SCN2B: variants seen among roughly 807,000 people sequenced by gnomAD.
The protein encoded by SCN2B is sodium voltage-gated channel beta subunit 2, also known as sodium channel regulatory subunit beta-2.
Under a neutral mutation model 18.2 loss-of-function variants are expected in SCN2B, and 14 were observed. The observed-to-expected ratio is 0.77, with a 90% CI of 0.51 to 1.21. SCN2B has a LOEUF of 1.21. Among genes scored for constraint, SCN2B ranks in the 50% most tolerant of loss-of-function variants. SCN2B has a pLI of 0.00. For synonymous variants in SCN2B, 115 were observed against 115.3 expected (o/e 1.00, Z 0.02); for missense variants, 262 against 286.9 (o/e 0.91, Z 0.63).
chr11:118,171,257 A>T (rs12294669), intron 1 of SCN2B, among the ~76,000 whole-genome samples: 2 of 152,146 alleles, frequency 1.3e-5, no homozygotes, highest in Non-Finnish European at 2.9e-5. Flanking sequence ...CATTAGGGGA[A>T]TAAGGACTGG....
At chr11:118,174,739 G>A (rs1391310161) in intron 1 of SCN2B, among the ~76,000 whole-genome samples, 2 of 152,098 alleles carry the variant, frequency 1.3e-5, no homozygotes, top group African/African-American at 2.4e-5. Context: ...CTAGCCCAGA[G>A]CTCTGGGTCC....
rs941571292 is a variant in SCN2B at position 118,168,547 on chromosome 11, A to G, written c.237+38T>C. Reference sequence around the variant, plus strand: ...AGGGGCTTCATGCCATGGGGCTCCTACCTCCTCCCCTGCCCCTGCCTTCAG... The same window carrying G: ...AGGGGCTTCATGCCATGGGGCTCCTGCCTCCTCCCCTGCCCCTGCCTTCAG... On this transcript the variant is annotated intron_variant, in intron 2 of 3. Transcript: ENST00000278947. The surrounding 1 kb of genome is among the most constrained non-coding windows in gnomAD (Gnocchi z 4.7). The G allele has an allele frequency of 6.2e-7, 1 of 1,613,176 alleles. No homozygotes were observed. Among genetic ancestry groups the G allele is most frequent in the Non-Finnish European group, 8.5e-7 (1 of 1,179,350 alleles).
intron 1 of SCN2B, 70 bp downstream of exon 1, chr11:118,176,292 T>C: frequency 1.5e-6 from 2 of 1,365,354 alleles, no homozygotes; most frequent in Non-Finnish European, 1.0e-6. Flanking sequence ...TCCTATCCCC[T>C]GCCCCCATCC....
intron 3 of SCN2B, 76 bp from the exon 4 acceptor site, chr11:118,167,162 G>T (rs1030029478): frequency 6.2e-6 from 9 of 1,460,534 alleles, no homozygotes; most frequent in Non-Finnish European, 7.5e-6. Context: ...CCCGTGGCAT[G>T]CGTGGAACCA....
At position 118,167,050 on chromosome 11, in the gene SCN2B, A is replaced by C. The variant is rs879209546; in HGVS notation, c.485T>G (p.Val162Gly). Residue 162 changes from valine to glycine, a missense_variant, in exon 4 of 4, where the codon GTG becomes GGG. Coordinates refer to ENST00000278947, the MANE Select transcript of SCN2B (RefSeq NM_004588.5). ...PERDSTVAVI[V>G]GASVGGFLAV... ...CAGGAAGCCCCCGACGGAGGCACCCACAATCACGGCCACCGTGGAGTCCCG... is the reference window on the plus strand; with the variant it reads ...CAGGAAGCCCCCGACGGAGGCACCCCCAATCACGGCCACCGTGGAGTCCCG... 1 of 1,613,464 alleles carries C rather than the reference A, an allele frequency of 6.2e-7. No homozygotes were observed. Among genetic ancestry groups the C allele is most frequent in the South Asian group, 1.1e-5 (1 of 91,080 alleles).
chr11:118,170,996 C>G (rs769317981), intron 1 of SCN2B, among the ~76,000 whole-genome samples: 3 of 152,060 alleles, frequency 2.0e-5, no homozygotes, highest in Non-Finnish European at 2.9e-5. Flanking sequence ...GTAGAAGCAG[C>G]CGCCCTGCAG....
In SCN2B at chr11:118,166,618, G is replaced by C; in HGVS notation, c.*269C>G. 1 of 526,726 alleles carries C rather than the reference G, an allele frequency of 1.9e-6. No individual in the cohort carries two copies. The highest frequency in any genetic ancestry group is 1.9e-5 in the African/African-American group (1 of 52,358). The allele number at this position is 526,726 out of a possible 1,614,324, so 32.6% of individuals were successfully genotyped here. On this transcript the variant is annotated 3_prime_UTR_variant, in exon 4 of 4. Transcript: ENST00000278947. ...CTGGGGACCCTCACATGTGCCTCCT[G>C]CCTCCCCCCAGGGACTGGCAGGTGG...
chr11:118,166,488 G>A lies in SCN2B; in HGVS notation c.*399C>T, dbSNP rs1193795677. The A allele has an allele frequency of 3.2e-6, 1 of 310,660 alleles. No individual in the cohort carries two copies. Among genetic ancestry groups the A allele is most frequent in the African/African-American group, 2.2e-5 (1 of 46,228 alleles). The allele number at this position is 310,660 out of a possible 1,614,324, so 19.2% of individuals were successfully genotyped here. On this transcript the variant is annotated 3_prime_UTR_variant, in exon 4 of 4. Coordinates refer to ENST00000278947, the MANE Select transcript of SCN2B (RefSeq NM_004588.5). Reference sequence around the variant, plus strand: ...GAGGGAGCGCTGTCAGCACAGGAAAGCCCTCCCTCCCCACCAGGTCCTCTC... The same window carrying A: ...GAGGGAGCGCTGTCAGCACAGGAAAACCCTCCCTCCCCACCAGGTCCTCTC...
rs1362996990 is a variant in SCN2B, at chr11:118,168,178, G to T, written c.355C>A (p.Pro119Thr). Residue 119 changes from proline (P) to threonine (T), a missense_variant, in exon 3 of 4, where the codon CCG (proline) becomes ACG (threonine). Physicochemically the swap from Pro to Thr is conservative, Grantham distance 38. Transcript: ENST00000278947. This position sits in a 1 kb window ranked among gnomAD's most constrained non-coding sequence, Gnocchi z 4.7. ...DVSVMLRNVQ[P>T]EDEGIYNCYI... ...CAGTTGTAAATCCCCTCATCCTCCGGCTGCACGTTTCTCAGCATCACCGAC... is the reference window on the plus strand; with the variant it reads ...CAGTTGTAAATCCCCTCATCCTCCGTCTGCACGTTTCTCAGCATCACCGAC... The T allele has an allele frequency of 1.9e-6, 3 of 1,614,042 alleles. No homozygotes were observed. The highest frequency in any genetic ancestry group is 2.5e-6 in the Non-Finnish European group (3 of 1,180,020).
chr11:118,167,226 C>G, intron 3 of SCN2B, 140 bp from the exon 4 acceptor site: 1 of 875,270 alleles, frequency 1.1e-6, no homozygotes, highest in Non-Finnish European at 1.7e-6. Context: ...GAAAAGCAAT[C>G]CAGTGACTGA....
chr11:118,174,097 T>G lies in SCN2B; in HGVS notation c.70+2265A>C, dbSNP rs1328456067. 2.1e-3 allele frequency among the ~76,000 whole-genome samples: 260 copies of G among 121,328 alleles called. 22 individuals are homozygous for G. The highest frequency in any genetic ancestry group is 7.9e-3 in the African/African-American group (238 of 29,972). 79.6% of individuals were successfully genotyped at this position (121,328 alleles called of 152,430 possible). ...CCTGGCTTATTTTTCTTTTCTTTTT[T>G]TTTTTTTTTTTTTTTTTTTTTTTGT... On this transcript the variant is annotated intron_variant, in intron 1 of 3. Coordinates refer to ENST00000278947, the MANE Select transcript of SCN2B (RefSeq NM_004588.5).
chr11:118,175,527 T>C lies in SCN2B; in HGVS notation c.70+835A>G, dbSNP rs769516029. 2.6e-4 allele frequency among the ~76,000 whole-genome samples: 40 copies of C among 152,324 alleles called. No homozygotes were observed. The Middle Eastern group carries it at 0.014, about 52-fold the overall frequency. ...TTGCTGCTCCAGCAATAAGTAAGTT[T>C]AGGAGCAAGAATGAAACTCTACAAA... On this transcript the variant is annotated intron_variant, in intron 1 of 3. Transcript: ENST00000278947.
At chr11:118,174,035 C>T (rs1948448658) in intron 1 of SCN2B, among the ~76,000 whole-genome samples, 1 of 151,008 alleles carries the variant, frequency 6.6e-6, no homozygotes, top group Non-Finnish European at 1.5e-5. Flanking sequence ...TCTTCAGCCT[C>T]CTGGAACAGT....
rs772706656 is a variant in SCN2B, at chr11:118,168,587, T to A, written c.235A>T (p.Met79Leu). Residue 79 changes from methionine (M) to leucine (L), a missense_variant and splice_region_variant, in exon 2 of 4, where the codon ATG becomes TTG. Coordinates refer to ENST00000278947, the MANE Select transcript of SCN2B (RefSeq NM_004588.5). This position sits in a 1 kb window ranked among gnomAD's most constrained non-coding sequence, Gnocchi z 4.7. ...CCTGCCTTCAGCCCAGGACTCACCA[T>A]CTCCTCAGAGCAGTTGTTGCACTCC... is the stretch of plus-strand genomic sequence containing the variant. Reference protein sequence around the residue: ...YQECNNCSEEMFLQFRMKIIN... With the variant: ...YQECNNCSEELFLQFRMKIIN... 6.2e-7 allele frequency: 1 copy of A among 1,614,110 alleles called. No homozygotes were observed. The highest frequency in any genetic ancestry group is 2.2e-5 in the East Asian group (1 of 44,866).
In SCN2B at chr11:118,166,988, C is replaced by T; in HGVS notation, c.547G>A (p.Val183Met). 1.2e-6 allele frequency: 2 copies of T among 1,614,102 alleles called. No homozygotes were observed. The highest frequency in any genetic ancestry group is 1.7e-6 in the Non-Finnish European group (2 of 1,180,034). ...AGCTTCTGCTCTTTTTTTCTCCTCA[C>T]ACACTTGACCACCATCAGCACCAAG... ...VILVLMVVKC[V>M]RRKKEQKLST... The change falls in exon 4 of 4, where the codon GTG becomes ATG. Residue 183 changes from valine to methionine, a missense_variant. Transcript: ENST00000278947.
rs1948344423 is a variant in SCN2B at position 118,162,999 on chromosome 11, G to A, written c.*3888C>T. The A allele has an allele frequency of 6.6e-6, 1 of 152,580 alleles. No homozygotes were observed. Among genetic ancestry groups the A allele is most frequent in the Admixed American group, 6.5e-5 (1 of 15,274 alleles). The allele number at this position is 152,580 out of a possible 1,614,324, so 9.5% of individuals were successfully genotyped here. On this transcript the variant is annotated 3_prime_UTR_variant, in exon 4 of 4. Coordinates refer to ENST00000278947, the MANE Select transcript of SCN2B (RefSeq NM_004588.5). ...ACACAACCAAGAAAGTGCATATGTA[G>A]TTGGGTTTTCCCCTCCAAGTGCACA...
chr11:118,175,025 A>G (rs1043954277), intron 1 of SCN2B, among the ~76,000 whole-genome samples: 1 of 152,186 alleles, frequency 6.6e-6, no homozygotes, highest in Non-Finnish European at 1.5e-5. Context: ...GGGAGTTCAA[A>G]TTTCAGCTCC....
intron 1 of SCN2B, among the ~76,000 whole-genome samples, chr11:118,175,296 T>G (rs1948460681): frequency 6.6e-6 from 1 of 152,192 alleles, no homozygotes; most frequent in Admixed American, 6.5e-5. Context: ...AAAGGTGGCT[T>G]GAAACCCAGG....
At position 118,166,850 on chromosome 11, in the gene SCN2B, G is replaced by T; in HGVS notation, c.*37C>A. The T allele has an allele frequency of 6.2e-7, 1 of 1,611,606 alleles. No homozygotes were observed. On this transcript the variant is annotated 3_prime_UTR_variant, in exon 4 of 4. Transcript: ENST00000278947. ...TCACTGTACAGGGCGGAGAGGGGAGGAGACGGGACACGGGAGGCTGCAGGG... is the reference window on the plus strand; with the variant it reads ...TCACTGTACAGGGCGGAGAGGGGAGTAGACGGGACACGGGAGGCTGCAGGG...
Sources: gnomAD v4.1 joint callset for allele counts (sites outside exome capture counted in the v4.1 genomes callset) on GRCh38, gnomAD v4.1.1 for gene constraint, Gnocchi (gnomAD v3.1) non-coding constraint, MANE v1.5 for transcripts, NCBI Gene and HGNC (gene_info 2026-07-23, HGNC 2026-07-21) for gene names.